The following SPO11 variants were observed in gnomAD, a reference collection of about 807,000 sequenced individuals.
SPO11 encodes the protein meiotic recombination protein SPO11.
In SPO11, 49 loss-of-function variants were observed where a neutral mutation model predicts 51.6. The ratio of observed to expected loss-of-function variants is 0.95; its 90% CI spans 0.75 to 1.20. The LOEUF (loss-of-function observed/expected upper bound fraction) is 1.20, where lower values mean the gene tolerates loss of function less well. Among genes scored for constraint, SPO11 ranks in the 50% most tolerant of loss-of-function variants. The pLI is 0.00. For synonymous variants in SPO11, 176 were observed against 158.2 expected (o/e 1.11, Z -0.84); for missense variants, 431 against 473.4 (o/e 0.91, Z 0.83).
chr20:57,330,103 C>T (rs2066427214), intron 1 of SPO11, 105 bp downstream of exon 1: 6 of 1,408,882 alleles, frequency 4.3e-6, no homozygotes, highest in Admixed American at 2.7e-5. Context: ...GGAGGCACCC[C>T]TTGGCGGGCC....
rs868115459 is a variant in SPO11, at chr20:57,342,803, G to A, written c.1034G>A (p.Arg345Lys). The A allele has an allele frequency of 6.2e-7, 1 of 1,613,292 alleles. No homozygotes were observed. Among genetic ancestry groups the A allele is most frequent in the Non-Finnish European group, 8.5e-7 (1 of 1,179,576 alleles). ...DQMKLDSILR[R>K]PYVTCQPFWR... ...ATGAAACTTGACAGTATCCTGAGGA[G>A]ACCTTATGTTACCTGCCAACCATTT... Residue 345 changes from arginine (R) to lysine (K), a missense_variant, in exon 12 of 13, where the codon AGA becomes AAA. Arg to Lys is a conservative substitution (Grantham distance 26). Transcript: ENST00000371263.
At chr20:57,337,940 T>G (rs1238158776) in intron 8 of SPO11, among the ~76,000 whole-genome samples, 1 of 152,180 alleles carries the variant, frequency 6.6e-6, no homozygotes, top group African/African-American at 2.4e-5. Flanking sequence ...CAGGCTGGAG[T>G]GCAATGGCGT....
At chr20:57,334,939 G>C in intron 6 of SPO11, 103 bp downstream of exon 6, 1 of 936,232 alleles carries the variant, frequency 1.1e-6, no homozygotes, top group Non-Finnish European at 1.6e-6. Flanking sequence ...TAGAGCTTAA[G>C]ATTTCAAAAT....
At chr20:57,343,213 T>C (rs2066604697) in intron 12 of SPO11, 128 bp from the exon 13 acceptor site, 12 of 1,067,022 alleles carry the variant, frequency 1.1e-5, no homozygotes, top group Non-Finnish European at 1.5e-5. Context: ...TCTGGAATAT[T>C]CTGGCTGACC....
chr20:57,329,955 G>A lies in SPO11; in HGVS notation c.88G>A (p.Gly30Ser). The A allele has an allele frequency of 6.2e-7, 1 of 1,612,364 alleles. No homozygotes were observed. ...GTCCCTGCTGGCTGCCCTGAGGAGA[G>A]GTGGCAGGGAGCCCCCAACTGGGGG... ...RESLLAALRR[G>S]GREPPTGGSR... is the part of the protein sequence containing the mutation. The change falls in exon 1 of 13, where the codon GGT (glycine) becomes AGT (serine). Residue 30 changes from glycine to serine, a missense_variant. Physicochemically the swap from Gly to Ser is moderately conservative, Grantham distance 56. Coordinates refer to ENST00000371263, the MANE Select transcript of SPO11 (RefSeq NM_012444.3).
chr20:57,342,337 C>T (rs1211106098), intron 11 of SPO11, among the ~76,000 whole-genome samples: 3 of 152,230 alleles, frequency 2.0e-5, no homozygotes, highest in African/African-American at 7.2e-5. Flanking sequence ...CATATTGGAG[C>T]TCACTGCCAG....
At position 57,342,866 on chromosome 20, in the gene SPO11, G is replaced by A. The variant is rs769753902; in HGVS notation, c.1071+26G>A. The A allele has an allele frequency of 8.0e-6, 12 of 1,503,800 alleles. 1 individual carries two copies. Among genetic ancestry groups the A allele is most frequent in the Middle Eastern group, 1.7e-4 (1 of 5,824 alleles). The allele number at this position is 1,503,800 out of a possible 1,614,324, so 93.2% of individuals were successfully genotyped here. ...GTATGTTTCCTTTTACAACTCAAGT[G>A]TTGCATGTTTAATTGTCTTTTACTT... On this transcript the variant is annotated intron_variant, in intron 12 of 12. Transcript: ENST00000371263.
Sources: gnomAD v4.1 joint callset for allele counts (sites outside exome capture counted in the v4.1 genomes callset) on GRCh38, gnomAD v4.1.1 for gene constraint, MANE v1.5 for transcripts, NCBI Gene and HGNC (gene_info 2026-07-23, HGNC 2026-07-21) for gene names.